The following PIGG variants were observed in gnomAD, a reference collection of about 807,000 sequenced individuals.
PIGG encodes phosphatidylinositol glycan anchor biosynthesis class G (EMM blood group).
A neutral mutation model predicts 83.2 loss-of-function variants in PIGG; 70 were observed. The ratio of observed to expected loss-of-function variants is 0.84; its 90% CI spans 0.69 to 1.03. PIGG has a LOEUF of 1.03. PIGG is among the 50% of genes least tolerant of loss of function. The pLI is 0.00. For synonymous variants in PIGG, 532 were observed against 519.5 expected (o/e 1.02, Z -0.33); for missense variants, 1,257 against 1,233.6 (o/e 1.02, Z -0.28).
At position 515,111 on chromosome 4, in the gene PIGG, C is replaced by G. The variant is rs777957363; in HGVS notation, c.902-862C>G. On this transcript the variant is annotated intron_variant, in intron 5 of 12. Transcript: ENST00000453061. This position sits in a 1 kb window ranked among gnomAD's most constrained non-coding sequence, Gnocchi z 4.2. ...AAAACTTACCACAATCAAAGTAAAA[C>G]CTCCCCAGACTCACACCTGAGTATC... Among the ~76,000 whole-genome samples, 1 of 152,210 alleles carries G rather than the reference C, an allele frequency of 6.6e-6. No homozygotes were observed. Among genetic ancestry groups the G allele is most frequent in the Non-Finnish European group, 1.5e-5 (1 of 68,034 alleles).
chr4:515,988 C>G lies in PIGG; in HGVS notation c.917C>G (p.Pro306Arg). ...TTTCTTCTAGGTGATATCCGACATC[C>G]AAAGCACGTCCAACAGACGGATGTG... Reference protein sequence around the residue: ...FERKPGDIRHPKHVQQTDVAA... With the variant: ...FERKPGDIRHRKHVQQTDVAA... The change falls in exon 6 of 13, where the codon CCA (proline) becomes CGA (arginine). Residue 306 changes from proline to arginine, a missense_variant. Coordinates refer to ENST00000453061, the MANE Select transcript of PIGG (RefSeq NM_001127178.3). The surrounding 1 kb of genome is among the most constrained non-coding windows in gnomAD (Gnocchi z 4.2). 1 of 1,613,956 alleles carries G rather than the reference C, an allele frequency of 6.2e-7. No individual in the cohort carries two copies. The highest frequency in any genetic ancestry group is 8.5e-7 in the Non-Finnish European group (1 of 1,179,826).
At chr4:503,557 C>G (rs1297973884) in intron 2 of PIGG, among the ~76,000 whole-genome samples, 1 of 152,166 alleles carries the variant, frequency 6.6e-6, no homozygotes, top group Non-Finnish European at 1.5e-5. Context: ...TCTGGAAAGT[C>G]CCACCTCACC....
intron 5 of PIGG, among the ~76,000 whole-genome samples, chr4:512,253 T>C (rs1437290808): frequency 6.9e-6 from 1 of 144,790 alleles, no homozygotes. Flanking sequence ...GGAGTCTTGC[T>C]CTGTCACCCA....
In PIGG at chr4:534,098, A is replaced by G. The variant is rs541282109; in HGVS notation, c.2735+117A>G. 6.9e-5 allele frequency: 59 copies of G among 858,620 alleles called. No homozygotes were observed. The East Asian group carries it at 1.2e-3, about 18-fold the overall frequency. 53.2% of individuals were successfully genotyped at this position (858,620 alleles called of 1,614,324 possible). On this transcript the variant is annotated intron_variant, in intron 12 of 12. Transcript: ENST00000453061. Reference sequence around the variant, plus strand: ...CTCCATGGGTCCAACAGTCTTTTCAACAGTTTTCTTTTCCTTAAATAGGGA... The same window carrying G: ...CTCCATGGGTCCAACAGTCTTTTCAGCAGTTTTCTTTTCCTTAAATAGGGA...
At chr4:512,618 C>A (rs1043400729) in intron 5 of PIGG, among the ~76,000 whole-genome samples, 1 of 151,804 alleles carries the variant, frequency 6.6e-6, no homozygotes, top group Non-Finnish European at 1.5e-5. Flanking sequence ...AGTTCGAGAC[C>A]AGCCTGACCA....
At position 515,894 on chromosome 4, in the gene PIGG, G is replaced by C; in HGVS notation, c.902-79G>C. On this transcript the variant is annotated intron_variant, in intron 5 of 12. Coordinates refer to ENST00000453061, the MANE Select transcript of PIGG (RefSeq NM_001127178.3). This position sits in a 1 kb window ranked among gnomAD's most constrained non-coding sequence, Gnocchi z 4.2. ...ACGGATCATTTGGCTCATGTTAGTT[G>C]TAGAAGGTCTAATTCAAGAATGAGT... 9.0e-7 allele frequency: 1 copy of C among 1,108,488 alleles called. No homozygotes were observed. The highest frequency in any genetic ancestry group is 1.7e-5 in the Admixed American group (1 of 58,330). 68.7% of individuals were successfully genotyped at this position (1,108,488 alleles called of 1,614,324 possible). A position where few individuals can be genotyped will look rare whatever the true frequency, so the allele number is the denominator to read the frequency against.
rs1406989563 is a variant in PIGG, at chr4:508,881, T to G, written c.812T>G (p.Met271Arg). Residue 271 changes from methionine to arginine, a missense_variant, in exon 5 of 13, where the codon ATG becomes AGG. Met to Arg is a moderately conservative substitution (Grantham distance 91, BLOSUM62 -1). Coordinates refer to ENST00000453061, the MANE Select transcript of PIGG (RefSeq NM_001127178.3). ...CTGGTTCTTTGTGGTGACCATGGCA[T>G]GTCTGAAACAGGAAGTCACGGGGCC... ...NLLVLCGDHG[M>R]SETGSHGASS... 7 of 1,613,734 alleles carry G rather than the reference T, an allele frequency of 4.3e-6. No homozygotes were observed. Among genetic ancestry groups the G allele is most frequent in the Middle Eastern group, 1.6e-4 (1 of 6,084 alleles).
chr4:507,293 C>A, intron 3 of PIGG, 112 bp from the exon 4 acceptor site: 1 of 820,980 alleles, frequency 1.2e-6, no homozygotes, highest in Non-Finnish European at 2.0e-6. Context: ...TCCCCCAAAT[C>A]CTGTAACCTG....
chr4:522,261 G>T, intron 8 of PIGG: 1 of 570,062 alleles, frequency 1.8e-6, no homozygotes, highest in Non-Finnish European at 3.1e-6. Flanking sequence ...CCGCTGAGGG[G>T]GTGTGTGAAT....
chr4:533,686 A>G, intron 11 of PIGG, 132 bp from the exon 12 acceptor site: 3 of 792,444 alleles, frequency 3.8e-6, no homozygotes, highest in Non-Finnish European at 6.2e-6. Context: ...CTCTGACCAC[A>G]CGTGTGTCCG....
At position 511,295 on chromosome 4, in the gene PIGG, T is replaced by TAAAAA. The variant is rs537741053; in HGVS notation, c.901+2325_901+2326insAAAAA. ...GCAACAGGAGTGAAACTCCCCATCT[T>TAAAAA]TAAAAAAAAAAAAAAAAAAAAAGAA... On this transcript the variant is annotated intron_variant, in intron 5 of 12. Coordinates refer to ENST00000453061, the MANE Select transcript of PIGG (RefSeq NM_001127178.3). Among the ~76,000 whole-genome samples the TAAAAA allele has an allele frequency of 1.5e-4, 22 of 142,786 alleles. 1 individual carries two copies. Among genetic ancestry groups the TAAAAA allele is most frequent in the African/African-American group, 4.6e-4 (17 of 36,586 alleles). The allele number at this position is 142,786 out of a possible 152,430, so 93.7% of individuals were successfully genotyped here. A position where few individuals can be genotyped will look rare whatever the true frequency, so the allele number is the denominator to read the frequency against.
At chr4:499,563 T>C (rs1716783718) in intron 1 of PIGG, 74 bp downstream of exon 1, 2 of 1,470,344 alleles carry the variant, frequency 1.4e-6, no homozygotes, top group South Asian at 1.3e-5. Flanking sequence ...TGAGCCTCGC[T>C]GCTCGGATTT....
chr4:539,048 CT>C, intron 12 of PIGG, 104 bp from the exon 13 acceptor site: 1 of 725,216 alleles, frequency 1.4e-6, no homozygotes, highest in Non-Finnish European at 2.4e-6. Flanking sequence ...GTGCCCTCTA[CT>C]CCAAGGGCAA....
At chr4:533,749 C>T in intron 11 of PIGG, 69 bp from the exon 12 acceptor site, 1 of 1,454,070 alleles carries the variant, frequency 6.9e-7, no homozygotes, top group Non-Finnish European at 9.6e-7. Context: ...CATCGTGGCT[C>T]ACGCTAACAT....
At position 530,599 on chromosome 4, in the gene PIGG, T is replaced by C. The variant is rs780681616; in HGVS notation, c.2425T>C (p.Phe809Leu). 1.2e-6 allele frequency: 2 copies of C among 1,614,012 alleles called. No individual in the cohort carries two copies. Among genetic ancestry groups the C allele is most frequent in the Non-Finnish European group, 1.7e-6 (2 of 1,179,862 alleles). ...SGLVLLAALL[F>L]RPHNLPVLAF... Reference sequence around the variant, plus strand: ...ATTAGTTCTTCTGGCAGCCTTGCTCTTTAGACCACATAATCTTCCGGTCTT... The same window carrying C: ...ATTAGTTCTTCTGGCAGCCTTGCTCCTTAGACCACATAATCTTCCGGTCTT... Residue 809 changes from phenylalanine to leucine, a missense_variant, in exon 11 of 13, where the codon TTT (phenylalanine) becomes CTT (leucine). Transcript: ENST00000453061.
rs778221191 is a variant in PIGG, at chr4:539,259, T to C, written c.2842T>C (p.Trp948Arg). The C allele has an allele frequency of 6.2e-7, 1 of 1,611,694 alleles. No individual in the cohort carries two copies. The highest frequency in any genetic ancestry group is 8.5e-7 in the Non-Finnish European group (1 of 1,177,722). The change falls in exon 13 of 13, where the codon TGG becomes CGG. Residue 948 changes from tryptophan to arginine, a missense_variant. By Grantham distance (101) the Trp-to-Arg change is moderately radical (BLOSUM62 -3). Transcript: ENST00000453061. ...VTSLRYHLFI[W>R]SVFSPKLLYE... The stretch of plus-strand genomic sequence containing the variant: ...ATCTCTGCGTTATCATTTATTTATA[T>C]GGAGTGTATTTTCTCCAAAACTTCT...
rs140087355 is a variant in PIGG at position 500,536 on chromosome 4, A to G, written c.295A>G (p.Lys99Glu). 1.2e-5 allele frequency: 19 copies of G among 1,613,698 alleles called. No individual in the cohort carries two copies. In the Admixed American group the frequency reaches 2.7e-4, roughly 23 times the overall value. Residue 99 changes from lysine to glutamate, a missense_variant, in exon 2 of 13, where the codon AAA becomes GAA. Coordinates refer to ENST00000453061, the MANE Select transcript of PIGG (RefSeq NM_001127178.3). ...GCCCTACACAACTTACCTTGTGGAA[A>G]AAGGAGCATCTCACAGTTTTGTGGC... ...FMPYTTYLVE[K>E]GASHSFVAEA...
chr4:513,876 C>A (rs1035419913), intron 5 of PIGG, among the ~76,000 whole-genome samples: 1 of 152,098 alleles, frequency 6.6e-6, no homozygotes, highest in Non-Finnish European at 1.5e-5. Flanking sequence ...AATCAAGAGG[C>A]CAGAAATAGA....
At chr4:505,291 C>T (rs1416954321) in intron 2 of PIGG, among the ~76,000 whole-genome samples, 1 of 151,770 alleles carries the variant, frequency 6.6e-6, no homozygotes, top group Non-Finnish European at 1.5e-5. Context: ...ATTGAGTTTA[C>T]AGTTTTTCAC....
Sources: gnomAD v4.1 joint callset for allele counts (sites outside exome capture counted in the v4.1 genomes callset) on GRCh38, gnomAD v4.1.1 for gene constraint, Gnocchi (gnomAD v3.1) non-coding constraint, MANE v1.5 for transcripts, NCBI Gene and HGNC (gene_info 2026-07-23, HGNC 2026-07-21) for gene names.